The following GPC6 variants were observed in gnomAD, a reference collection of about 807,000 sequenced individuals.
GPC6 encodes the protein glypican 6.
Under a neutral mutation model 55.2 loss-of-function variants are expected in GPC6, and 14 were observed. That is an observed-to-expected ratio of 0.25 (90% CI 0.17 to 0.40). The LOEUF is 0.40. Among genes scored for constraint, GPC6 ranks in the 10% least tolerant of loss-of-function variants. The pLI is 1.00. For synonymous variants in GPC6, 278 were observed against 259.6 expected, an observed-to-expected ratio of 1.07 and a Z score of -0.68; for missense variants, 641 against 708.5, an observed-to-expected ratio of 0.90 and a Z score of 1.08.
chr13:94,056,355 G>A (rs1200511888), intron 4 of GPC6, among the ~76,000 whole-genome samples: 4 of 152,052 alleles, frequency 2.6e-5, no homozygotes, highest in African/African-American at 4.8e-5. Context: ...TGAGTACCCA[G>A]TCCTATAAAC....
At chr13:94,319,572 G>A (rs553142427) in intron 6 of GPC6, among the ~76,000 whole-genome samples, 1 of 152,230 alleles carries the variant, frequency 6.6e-6, no homozygotes, top group South Asian at 2.1e-4. Flanking sequence ...CCTTGGTCTG[G>A]AATACACATT....
intron 3 of GPC6, among the ~76,000 whole-genome samples, chr13:94,008,331 A>G (rs988699550): frequency 5.3e-5 from 8 of 152,206 alleles, no homozygotes; most frequent in African/African-American, 1.9e-4. Context: ...TTGAAACTCT[A>G]TATACACTCA....
chr13:94,032,602 C>G (rs898611130), intron 4 of GPC6, among the ~76,000 whole-genome samples: 5 of 152,194 alleles, frequency 3.3e-5, no homozygotes, highest in Non-Finnish European at 5.9e-5. Flanking sequence ...CACCTGCCCA[C>G]TACTACTGTC....
chr13:93,663,182 A>G (rs1359691949), intron 2 of GPC6, among the ~76,000 whole-genome samples: 2 of 152,106 alleles, frequency 1.3e-5, no homozygotes, highest in Non-Finnish European at 2.9e-5. Flanking sequence ...AAAGCCTCCT[A>G]TGACTTATTA....
chr13:93,921,180 G>A (rs994431261), intron 3 of GPC6, among the ~76,000 whole-genome samples: 4 of 152,178 alleles, frequency 2.6e-5, no homozygotes, highest in Non-Finnish European at 5.9e-5. Context: ...TGTGGCAGGG[G>A]TGTGGGTCAA....
At chr13:94,031,135 G>GA in intron 4 of GPC6, among the ~76,000 whole-genome samples, 1 of 151,318 alleles carries the variant, frequency 6.6e-6, no homozygotes, top group East Asian at 2.0e-4. Flanking sequence ...TGTGTTCTTC[G>GA]AAAAAATCAG....
intron 4 of GPC6, among the ~76,000 whole-genome samples, chr13:94,271,367 C>CGT (rs1555313880): frequency 1.5e-5 from 1 of 65,214 alleles, no homozygotes; most frequent in Non-Finnish European, 3.4e-5. Flanking sequence ...CACACACACA[C>CGT]GCGCGCGCGC....
At chr13:93,813,681 A>G (rs148233489) in intron 2 of GPC6, among the ~76,000 whole-genome samples, 45 of 152,128 alleles carry the variant, frequency 3.0e-4, no homozygotes, top group African/African-American at 1.0e-3. Context: ...GGTAACCACA[A>G]AGTTATCTTT....
rs140717732 is a variant in GPC6 at position 93,588,191 on chromosome 13, G to A, written c.319+42770G>A. Among the ~76,000 whole-genome samples, 6 of 152,260 alleles carry A rather than the reference G, an allele frequency of 3.9e-5. No homozygotes were observed. The East Asian group carries it at 1.2e-3, about 29-fold the overall frequency. On this transcript the variant is annotated intron_variant, in intron 2 of 8. Transcript: ENST00000377047. The stretch of plus-strand genomic sequence containing the variant: ...CTGTAGGTTTCAGAAAAGAATATTT[G>A]CTTTAGTTTTGTGTATTAAGAGGCT...
At position 93,789,482 on chromosome 13, in the gene GPC6, A is replaced by ACTCTCT. The variant is rs766627327; in HGVS notation, c.320-40649_320-40644dup. On this transcript the variant is annotated intron_variant, in intron 2 of 8. Transcript: ENST00000377047. ...GTAAAGGACTTAAATATGTGAGTGA[A>ACTCTCT]CTCTCTCTCTCTCTCTCTCTCTCTC... 4.8e-3 allele frequency among the ~76,000 whole-genome samples: 284 copies of ACTCTCT among 59,596 alleles called. 3 individuals carry two copies. Among genetic ancestry groups the ACTCTCT allele is most frequent in the African/African-American group, 9.8e-3 (153 of 15,594 alleles). 39.1% of individuals were successfully genotyped at this position (59,596 alleles called of 152,430 possible).
At chr13:93,384,349 A>G (rs117897870) in intron 1 of GPC6, among the ~76,000 whole-genome samples, 8,414 of 151,368 alleles carry the variant, frequency 0.056, 364 homozygotes, top group Non-Finnish European at 0.08. Flanking sequence ...TTTGTTTTAG[A>G]TATTTTTTTC....
chr13:93,992,498 A>G (rs1881356527), intron 3 of GPC6, among the ~76,000 whole-genome samples: 2 of 152,172 alleles, frequency 1.3e-5, no homozygotes, highest in Non-Finnish European at 2.9e-5. Context: ...TATCCACCAA[A>G]GCAATTAGAG....
chr13:94,371,739 GA>G (rs1022738981), intron 6 of GPC6, among the ~76,000 whole-genome samples: 11 of 151,978 alleles, frequency 7.2e-5, no homozygotes, highest in Admixed American at 6.6e-4. Context: ...AAATGGTGGG[GA>G]AAAAAATAGT....
chr13:94,244,723 G>C (rs1891148769), intron 4 of GPC6, among the ~76,000 whole-genome samples: 1 of 151,966 alleles, frequency 6.6e-6, no homozygotes. Flanking sequence ...TTTAAGTGAA[G>C]GCAGAGTAGC....
intron 3 of GPC6, among the ~76,000 whole-genome samples, chr13:93,843,454 T>A (rs1411530223): frequency 2.6e-5 from 4 of 152,170 alleles, no homozygotes; most frequent in Admixed American, 6.6e-5. Context: ...AGATAAGGAA[T>A]GAGGCTGACA....
intron 4 of GPC6, among the ~76,000 whole-genome samples, chr13:94,238,168 C>T (rs1372712960): frequency 3.3e-5 from 5 of 152,006 alleles, no homozygotes; most frequent in East Asian, 1.9e-4. Flanking sequence ...AAATTGGAGA[C>T]GGCTTTTAGA....
At chr13:93,627,879 C>A (rs752450932) in intron 2 of GPC6, among the ~76,000 whole-genome samples, 1 of 152,144 alleles carries the variant, frequency 6.6e-6, no homozygotes, top group South Asian at 2.1e-4. Flanking sequence ...AAAAGACATA[C>A]TTTTATTAGA....
chr13:93,701,111 T>C (rs1465095393), intron 2 of GPC6, among the ~76,000 whole-genome samples: 1 of 152,086 alleles, frequency 6.6e-6, no homozygotes, highest in African/African-American at 2.4e-5. Flanking sequence ...ACCTTGAGAA[T>C]TTGACTTACA....
chr13:94,306,002 C>T lies in GPC6; in HGVS notation c.1031C>T (p.Pro344Leu). The change falls in exon 6 of 9, where the codon CCC becomes CTC. Residue 344 changes from proline to leucine, a missense_variant. Coordinates refer to ENST00000377047, the MANE Select transcript of GPC6 (RefSeq NM_005708.5). ...SAKVFQGCGQPKPAPALRSAR... is the reference protein window; with the variant it reads ...SAKVFQGCGQLKPAPALRSAR... ...CAGGTCTTTCAGGGATGTGGTCAGCCCAAACCTGCTCCAGCCCTCAGATCT... is the reference window on the plus strand; with the variant it reads ...CAGGTCTTTCAGGGATGTGGTCAGCTCAAACCTGCTCCAGCCCTCAGATCT... The T allele has an allele frequency of 1.2e-6, 2 of 1,614,074 alleles. No individual in the cohort carries two copies. The highest frequency in any genetic ancestry group is 1.7e-6 in the Non-Finnish European group (2 of 1,179,996).
Sources: allele counts gnomAD v4.1 joint callset (sites outside exome capture counted in the v4.1 genomes callset), GRCh38; gene constraint gnomAD v4.1.1; transcripts MANE v1.5; gene names NCBI Gene and HGNC (gene_info 2026-07-23, HGNC 2026-07-21).